Variants in DOK6 observed in about 807,000 individuals in gnomAD.
DOK6 encodes downstream of tyrosine kinase 6.
In DOK6, 22 loss-of-function variants were observed where a neutral mutation model predicts 44.0. The ratio of observed to expected loss-of-function variants is 0.50; its 90% confidence interval spans 0.36 to 0.71. The LOEUF is 0.71. DOK6 is among the 30% of genes least tolerant of loss of function. The pLI is 0.00. For synonymous variants in DOK6, 166 were observed against 145.5 expected, an observed-to-expected ratio of 1.14 and a Z score of -1.01; for missense variants, 340 against 416.4, an observed-to-expected ratio of 0.82 and a Z score of 1.60.
At chr18:69,738,832 C>A in intron 5 of DOK6, 133 bp from the exon 6 acceptor site, 1 of 1,107,954 alleles carries the variant, frequency 9.0e-7, no homozygotes, top group Non-Finnish European at 1.3e-6. Flanking sequence ...TTGGTTACGG[C>A]TGAATCAGCC....
At position 69,406,603 on chromosome 18, in the gene DOK6, AAGAT is replaced by A. The variant is rs1916210488; in HGVS notation, c.66+5295_66+5298del. Among the ~76,000 whole-genome samples, 4 of 152,224 alleles carry A rather than the reference AAGAT, an allele frequency of 2.6e-5. No homozygotes were observed. In the South Asian group the frequency reaches 8.3e-4, roughly 32 times the overall value. On this transcript the variant is annotated intron_variant, in intron 1 of 7. Coordinates refer to ENST00000382713, the MANE Select transcript of DOK6 (RefSeq NM_152721.6). ...ATGGCATTCCTTTTCTTAGAAAACA[AAGAT>A]AATACTCAGTACTTAAAGAGATCTT...
intron 3 of DOK6, among the ~76,000 whole-genome samples, chr18:69,658,339 A>G (rs939285844): frequency 3.9e-5 from 6 of 152,208 alleles, no homozygotes; most frequent in Non-Finnish European, 5.9e-5. Context: ...TCTTGGTGAC[A>G]TCATCTGCAA....
At chr18:69,491,971 A>G (rs1055913431) in intron 1 of DOK6, among the ~76,000 whole-genome samples, 9 of 152,228 alleles carry the variant, frequency 5.9e-5, no homozygotes, top group African/African-American at 2.2e-4. Flanking sequence ...AGTATTTCCA[A>G]TAGAGAACTC....
intron 1 of DOK6, among the ~76,000 whole-genome samples, chr18:69,500,722 T>A (rs989253509): frequency 6.6e-6 from 1 of 152,200 alleles, no homozygotes; most frequent in African/African-American, 2.4e-5. Flanking sequence ...GATAGATGTG[T>A]TCACCTTTAT....
Position 69,445,877 on chromosome 18 carries a change from TTA to T in DOK6, c.66+44569_66+44570del, listed in dbSNP as rs1410630897. On this transcript the variant is annotated intron_variant, in intron 1 of 7. Transcript: ENST00000382713. Reference sequence around the variant, plus strand: ...ATCTAGCCTTGGTGACACAGCGAGGTTATGTCTTTTACAAAATGTTTTTGGTA... The same window carrying T: ...ATCTAGCCTTGGTGACACAGCGAGGTTGTCTTTTACAAAATGTTTTTGGTA... Among the ~76,000 whole-genome samples the T allele has an allele frequency of 1.5e-4, 23 of 152,070 alleles. 1 individual carries two copies. Among genetic ancestry groups the T allele is most frequent in the Non-Finnish European group, 4.4e-5 (3 of 68,018 alleles).
Position 69,608,517 on chromosome 18 carries a change from AT to A in DOK6, c.289+9027del, listed in dbSNP as rs558821557. Among the ~76,000 whole-genome samples the A allele has an allele frequency of 4.1e-3, 620 of 152,130 alleles. 8 individuals carry two copies. The highest frequency in any genetic ancestry group is 3.3e-3 in the Non-Finnish European group (224 of 67,980). ...TTTGTGGCTCCATATGAATTGTAGA[AT>A]TTTTTTTATTTTTGTAAAAAAAGTC... is the stretch of plus-strand genomic sequence containing the variant. On this transcript the variant is annotated intron_variant, in intron 3 of 7. Transcript: ENST00000382713.
At chr18:69,571,307 T>C (rs1389692594) in intron 2 of DOK6, among the ~76,000 whole-genome samples, 4 of 149,962 alleles carry the variant, frequency 2.7e-5, no homozygotes, top group African/African-American at 9.8e-5. Flanking sequence ...CAGAAGAAAA[T>C]AAGAAAGGAG....
At chr18:69,528,933 T>G (rs1311949543) in intron 1 of DOK6, among the ~76,000 whole-genome samples, 1 of 152,190 alleles carries the variant, frequency 6.6e-6, no homozygotes, top group Non-Finnish European at 1.5e-5. Context: ...TCTTCCAGTG[T>G]AAAAGGGATC....
chr18:69,670,171 C>T (rs1160395136), intron 3 of DOK6, among the ~76,000 whole-genome samples: 1 of 151,900 alleles, frequency 6.6e-6, no homozygotes, highest in African/African-American at 2.4e-5. Flanking sequence ...TTGTTGGTGT[C>T]GTTTGGCCAA....
chr18:69,489,506 A>G (rs1452674063), intron 1 of DOK6, among the ~76,000 whole-genome samples: 1 of 152,160 alleles, frequency 6.6e-6, no homozygotes, highest in African/African-American at 2.4e-5. Flanking sequence ...TGACGGTACT[A>G]CAAATCTAAG....
intron 1 of DOK6, chr18:69,469,679 G>C (rs1255868293): frequency 7.8e-6 from 2 of 255,518 alleles, no homozygotes; most frequent in Non-Finnish European, 1.6e-5. Flanking sequence ...TGCCGCCCCG[G>C]AGATACGCTG....
At chr18:69,807,870 A>G (rs558799186) in intron 7 of DOK6, among the ~76,000 whole-genome samples, 1 of 151,992 alleles carries the variant, frequency 6.6e-6, no homozygotes, top group East Asian at 1.9e-4. Context: ...TCTTACTTTT[A>G]GCAATGGATA....
At chr18:69,814,970 C>A (rs1192424475) in intron 7 of DOK6, among the ~76,000 whole-genome samples, 1 of 152,048 alleles carries the variant, frequency 6.6e-6, no homozygotes, top group African/African-American at 2.4e-5. Flanking sequence ...GCGAGGTAAT[C>A]CCTCTTCTCT....
At chr18:69,679,903 A>T (rs564341910) in intron 4 of DOK6, among the ~76,000 whole-genome samples, 1 of 152,214 alleles carries the variant, frequency 6.6e-6, no homozygotes, top group African/African-American at 2.4e-5. Context: ...ATAAAGTGCC[A>T]AAGCTACATA....
intron 1 of DOK6, among the ~76,000 whole-genome samples, chr18:69,512,477 G>T (rs1981400935): frequency 6.6e-6 from 1 of 151,560 alleles, no homozygotes; most frequent in Non-Finnish European, 1.5e-5. Context: ...CTGAATAGCT[G>T]GGACTACAGG....
At position 69,413,536 on chromosome 18, in the gene DOK6, G is replaced by C. The variant is rs1418439504; in HGVS notation, c.66+12226G>C. On this transcript the variant is annotated intron_variant, in intron 1 of 7. Transcript: ENST00000382713. ...AAAGAGGAATGCCTTTTCAGCAAATGTTACTGGAGTAATTGAACATCCACG... is the reference window on the plus strand; with the variant it reads ...AAAGAGGAATGCCTTTTCAGCAAATCTTACTGGAGTAATTGAACATCCACG... Among the ~76,000 whole-genome samples the C allele has an allele frequency of 2.0e-5, 3 of 152,188 alleles. No homozygotes were observed. In the South Asian group the frequency reaches 6.2e-4, roughly 32 times the overall value.
chr18:69,737,022 C>G (rs1485615839), intron 5 of DOK6, among the ~76,000 whole-genome samples: 2 of 152,194 alleles, frequency 1.3e-5, no homozygotes, highest in Admixed American at 1.3e-4. Context: ...AAATTATTTC[C>G]TCTTTCTCCT....
intron 2 of DOK6, among the ~76,000 whole-genome samples, chr18:69,590,374 G>A (rs1983596039): frequency 6.6e-6 from 1 of 152,110 alleles, no homozygotes; most frequent in Admixed American, 6.6e-5. Context: ...ACTCAGGGAA[G>A]ACCTGCCCAT....
intron 1 of DOK6, among the ~76,000 whole-genome samples, chr18:69,494,699 G>A (rs1550598): frequency 0.45 from 68,708 of 151,960 alleles, 15,959 homozygotes; most frequent in African/African-American, 0.49. Flanking sequence ...ATTGGTATGG[G>A]GCAATGTATA....
Sources: allele counts gnomAD v4.1 joint callset (sites outside exome capture counted in the v4.1 genomes callset), GRCh38; gene constraint gnomAD v4.1.1; transcripts MANE v1.5; gene names NCBI Gene and HGNC (gene_info 2026-07-23, HGNC 2026-07-21).